SQOR: variants seen among roughly 807,000 people sequenced by gnomAD.
SQOR encodes sulfide:quinone oxidoreductase, mitochondrial.
SQOR carries 39 observed loss-of-function variants against 48.6 expected under a neutral mutation model. The observed-to-expected ratio is 0.80, with a 90% CI of 0.62 to 1.05. SQOR has a LOEUF of 1.05. Ranked by LOEUF, SQOR falls within the 50% of genes least tolerant of loss-of-function variation. The probability of loss-of-function intolerance (pLI) is 0.00; values close to 1 mark genes in which losing one functional copy is unlikely to be tolerated. For synonymous variants in SQOR, 220 were observed against 206.2 expected (o/e 1.07, Z -0.57); for missense variants, 561 against 559.9 (o/e 1.00, Z -0.02).
At position 45,660,078 on chromosome 15, in the gene SQOR, C is replaced by CA. The variant is rs756502065; in HGVS notation, c.234+927dup. 3.9e-5 allele frequency among the ~76,000 whole-genome samples: 6 copies of CA among 152,154 alleles called. 1 individual carries two copies. Among genetic ancestry groups the CA allele is most frequent in the Non-Finnish European group, 7.4e-5 (5 of 68,020 alleles). ...GAAGACTGAGTAAGGCGCTGTCTCACAAAAAACATGTTAAGATTGTCCAAA... is the reference window on the plus strand; with the variant it reads ...GAAGACTGAGTAAGGCGCTGTCTCACAAAAAAACATGTTAAGATTGTCCAAA... On this transcript the variant is annotated intron_variant, in intron 2 of 9. Coordinates refer to ENST00000260324, the MANE Select transcript of SQOR (RefSeq NM_021199.4).
At chr15:45,634,216 A>ATATATATATATATATATATATG (rs1555399815), upstream of SQOR, among the ~76,000 whole-genome samples, 2 of 125,736 alleles carry the variant, frequency 1.6e-5, 1 homozygote, top group Non-Finnish European at 3.3e-5. Flanking sequence ...ATATATATAT[A>ATATATATATATATATATATATG]TATATATATT....
intron 6 of SQOR, among the ~76,000 whole-genome samples, chr15:45,676,625 G>T (rs1316857476): frequency 2.0e-5 from 3 of 152,152 alleles, no homozygotes; most frequent in South Asian, 2.1e-4. Context: ...CCACAACTTT[G>T]GTTACTGTGT....
In SQOR at chr15:45,673,788, C is replaced by G. The variant is rs1889986887; in HGVS notation, c.641C>G (p.Ala214Gly). Residue 214 changes from alanine to glycine, a missense_variant, in exon 5 of 10, where the codon GCC becomes GGC. Physicochemically the swap from Ala to Gly is moderately conservative, Grantham distance 60. Coordinates refer to ENST00000260324, the MANE Select transcript of SQOR (RefSeq NM_021199.4). Reference sequence around the variant, plus strand: ...CAGAAGATCATGTACTTATCAGAAGCCTACTTCAGGAAGGTATGCTTCCTT... The same window carrying G: ...CAGAAGATCATGTACTTATCAGAAGGCTACTTCAGGAAGGTATGCTTCCTT... The part of the protein sequence containing the change: ...APQKIMYLSE[A>G]YFRKTGKRSK... 1.9e-6 allele frequency: 3 copies of G among 1,614,074 alleles called. No homozygotes were observed. In the East Asian group the frequency reaches 6.7e-5, roughly 36 times the overall value.
chr15:45,668,261 G>C (rs1433007053), intron 3 of SQOR, among the ~76,000 whole-genome samples: 2 of 152,014 alleles, frequency 1.3e-5, no homozygotes, highest in African/African-American at 4.8e-5. Context: ...ATCTTTCTAT[G>C]GATAGGCAAA....
rs1438921817 is a variant in SQOR, at chr15:45,677,867, A to AT, written c.864+1564dup. 3.3e-5 allele frequency among the ~76,000 whole-genome samples: 5 copies of AT among 152,022 alleles called. No homozygotes were observed. The East Asian group carries it at 9.7e-4, about 29-fold the overall frequency. On this transcript the variant is annotated intron_variant, in intron 6 of 9. Coordinates refer to ENST00000260324, the MANE Select transcript of SQOR (RefSeq NM_021199.4). ...AGGTGTGCACCACCATGCCCGGCTA[A>AT]TTTTTTTATTTTTTATTTTTAGTAG...
chr15:45,682,724 A>T, intron 7 of SQOR, 63 bp downstream of exon 7: 1 of 1,569,988 alleles, frequency 6.4e-7, no homozygotes, highest in South Asian at 1.1e-5. Flanking sequence ...CATGATTGTA[A>T]CAAAAACACA....
At chr15:45,647,868 G>A (rs968732076) in intron 1 of SQOR, among the ~76,000 whole-genome samples, 2 of 152,110 alleles carry the variant, frequency 1.3e-5, no homozygotes, top group Non-Finnish European at 2.9e-5. Context: ...AGTGAGTGGA[G>A]ATCATGCTGC....
At chr15:45,676,951 G>A (rs1890046931) in intron 6 of SQOR, among the ~76,000 whole-genome samples, 1 of 151,332 alleles carries the variant, frequency 6.6e-6, no homozygotes, top group African/African-American at 2.4e-5. Flanking sequence ...TGAGGCAGGA[G>A]AATCGCTGGA....
chr15:45,669,774 C>G (rs1333058162), intron 3 of SQOR, among the ~76,000 whole-genome samples, 154 bp from the exon 4 acceptor site: 4 of 152,180 alleles, frequency 2.6e-5, no homozygotes, highest in Non-Finnish European at 5.9e-5. Flanking sequence ...GGACTCCCAA[C>G]CTTGTTCTGC....
intron 1 of SQOR, among the ~76,000 whole-genome samples, chr15:45,651,377 C>G (rs761306895): frequency 1.3e-5 from 2 of 152,188 alleles, no homozygotes; most frequent in African/African-American, 4.8e-5. Flanking sequence ...GGTTCCCGCC[C>G]GCGCCTCTCC....
intron 7 of SQOR, 29 bp downstream of exon 7, chr15:45,682,690 T>C (rs1032794456): frequency 6.2e-7 from 1 of 1,608,462 alleles, no homozygotes; most frequent in Non-Finnish European, 8.5e-7. Flanking sequence ...TTTCTCCCTT[T>C]CTCAAAAATA....
At chr15:45,658,288 G>A (rs1253723963) in intron 1 of SQOR, among the ~76,000 whole-genome samples, 1 of 152,158 alleles carries the variant, frequency 6.6e-6, no homozygotes, top group African/African-American at 2.4e-5. Flanking sequence ...TGTGTCGGTA[G>A]CCAGTGATTT....
intron 3 of SQOR, among the ~76,000 whole-genome samples, chr15:45,665,440 C>A (rs965645403): frequency 6.6e-6 from 1 of 152,204 alleles, no homozygotes; most frequent in Admixed American, 6.5e-5. Flanking sequence ...AGCAATTTTT[C>A]TATCTGTTAT....
At chr15:45,668,294 A>C (rs1889875487) in intron 3 of SQOR, among the ~76,000 whole-genome samples, 1 of 152,160 alleles carries the variant, frequency 6.6e-6, no homozygotes, top group African/African-American at 2.4e-5. Flanking sequence ...AAATGCTTAT[A>C]TTATCTTCCA....
intron 9 of SQOR, 119 bp from the exon 10 acceptor site, chr15:45,690,852 TTG>T: frequency 1.2e-6 from 1 of 839,432 alleles, no homozygotes; most frequent in South Asian, 1.4e-5. Context: ...CTAGACAATC[TTG>T]CTTTACGTGC....
chr15:45,669,917 T>C lies in SQOR; in HGVS notation c.406-11T>C, dbSNP rs371592184. 3.1e-6 allele frequency: 5 copies of C among 1,613,332 alleles called. No homozygotes were observed. The Admixed American group carries it at 5.0e-5, about 16-fold the overall frequency. ...AGTCCTGGTCTAAAATAATGTCTTTTTGTGTTGCAGATCTCCTACCGATAT... is the reference window on the plus strand; with the variant it reads ...AGTCCTGGTCTAAAATAATGTCTTTCTGTGTTGCAGATCTCCTACCGATAT... On this transcript the variant is annotated splice_polypyrimidine_tract_variant and intron_variant, in intron 3 of 9. Transcript: ENST00000260324.
intron 8 of SQOR, 87 bp downstream of exon 8, chr15:45,688,491 T>A: frequency 9.9e-7 from 1 of 1,012,126 alleles, no homozygotes; most frequent in Non-Finnish European, 1.4e-6. Flanking sequence ...TTGCACTTTC[T>A]GTCTTTTCTT....
intron 6 of SQOR, among the ~76,000 whole-genome samples, chr15:45,676,705 G>T (rs1196413069): frequency 6.6e-6 from 1 of 152,222 alleles, no homozygotes; most frequent in Non-Finnish European, 1.5e-5. Flanking sequence ...GTGAGAAACA[G>T]TCCTGCTTGT....
rs753665576 is a variant in SQOR, at chr15:45,676,127, C to T, written c.681C>T (p.Ile227=). Residue 227 remains isoleucine (I), a synonymous_variant, in exon 6 of 10, where the codon ATC becomes ATT. Transcript: ENST00000260324. ...RKTGKRSKAN[I]IFNTSLGAIF... ...CAGGGAAGCGATCCAAGGCCAATAT[C>T]ATTTTCAACACTTCTCTTGGAGCCA... 3.1e-6 allele frequency: 5 copies of T among 1,613,920 alleles called. No homozygotes were observed. Among genetic ancestry groups the T allele is most frequent in the Admixed American group, 3.3e-5 (2 of 59,988 alleles).
Sources: allele counts gnomAD v4.1 joint callset (sites outside exome capture counted in the v4.1 genomes callset), GRCh38; gene constraint gnomAD v4.1.1; transcripts MANE v1.5; gene names NCBI Gene and HGNC (gene_info 2026-07-23, HGNC 2026-07-21).